PLCB4: variants seen among roughly 807,000 people sequenced by gnomAD.
PLCB4 encodes phospholipase C beta 4.
Under a neutral mutation model 178.8 loss-of-function variants are expected in PLCB4, and 77 were observed. That is an observed-to-expected ratio of 0.43 (90% CI 0.36 to 0.52). The LOEUF is 0.52. Among genes scored for constraint, PLCB4 ranks in the 20% least tolerant of loss-of-function variants. The pLI is 0.00. For synonymous variants in PLCB4, 496 were observed against 490.8 expected (o/e 1.01, Z -0.14); for missense variants, 1,024 against 1,453.4 (o/e 0.70, Z 4.80).
At chr20:9,222,091 A>G (rs1253148893) in intron 3 of PLCB4, among the ~76,000 whole-genome samples, 1 of 102,268 alleles carries the variant, frequency 9.8e-6, no homozygotes, top group African/African-American at 6.1e-5. Context: ...ATTTTATTTT[A>G]TTTTATTTTA....
At chr20:9,411,200 G>T in intron 25 of PLCB4, 112 bp downstream of exon 25, 1 of 715,364 alleles carries the variant, frequency 1.4e-6, no homozygotes, top group East Asian at 2.6e-5. Flanking sequence ...CTGGGTTTGA[G>T]GGATGGAATA....
chr20:9,405,289 A>C lies in PLCB4; in HGVS notation c.1612-24A>C, dbSNP rs971063272. On this transcript the variant is annotated intron_variant, in intron 20 of 39. Coordinates refer to ENST00000378473, the MANE Select transcript of PLCB4 (RefSeq NM_001377142.1). ...AATTTTGCCCTTTAGAGAAGTAAACAAATTATTTCCTTTCTCTAATTAGGC... is the reference window on the plus strand; with the variant it reads ...AATTTTGCCCTTTAGAGAAGTAAACCAATTATTTCCTTTCTCTAATTAGGC... 3 of 1,454,404 alleles carry C rather than the reference A, an allele frequency of 2.1e-6. No homozygotes were observed. The African/African-American group carries it at 4.2e-5, about 20-fold the overall frequency. 90.1% of individuals were successfully genotyped at this position (1,454,404 alleles called of 1,614,324 possible). A position where few individuals can be genotyped will look rare whatever the true frequency, so the allele number is the denominator to read the frequency against.
At chr20:9,467,535 T>A (rs1445248223) in intron 35 of PLCB4, among the ~76,000 whole-genome samples, 1 of 152,268 alleles carries the variant, frequency 6.6e-6, no homozygotes, top group East Asian at 1.9e-4. Flanking sequence ...TTCTTCCTCA[T>A]GATCACAACT....
At chr20:9,104,339 A>G (rs1416745786) in intron 2 of PLCB4, among the ~76,000 whole-genome samples, 1 of 152,198 alleles carries the variant, frequency 6.6e-6, no homozygotes, top group Non-Finnish European at 1.5e-5. Context: ...AGGTCTGGAC[A>G]TGGGAACTGG....
At chr20:9,405,420 C>A in intron 21 of PLCB4, 72 bp downstream of exon 21, 3 of 874,398 alleles carry the variant, frequency 3.4e-6, no homozygotes, top group Admixed American at 2.7e-5. Flanking sequence ...AGGAAGGAAT[C>A]AGTTGTGGTG....
chr20:9,164,372 G>C (rs1198314515), intron 2 of PLCB4, among the ~76,000 whole-genome samples: 1 of 151,820 alleles, frequency 6.6e-6, no homozygotes, highest in Non-Finnish European at 1.5e-5. Flanking sequence ...TTTTATTGCT[G>C]TTTTACAGAT....
rs550713890 is a variant in PLCB4, at chr20:9,394,940, C to A, written c.1415-583C>A. Among the ~76,000 whole-genome samples the A allele has an allele frequency of 3.2e-4, 48 of 152,100 alleles. 1 individual carries two copies. In the South Asian group the frequency reaches 9.8e-3, roughly 31 times the overall value. The stretch of plus-strand genomic sequence containing the variant: ...CTTAGGGGTTTTTTTATTTGTGTGT[C>A]TTCAATAACTCCTTTTTTGCATATT... On this transcript the variant is annotated intron_variant, in intron 18 of 39. Transcript: ENST00000378473.
intron 7 of PLCB4, among the ~76,000 whole-genome samples, chr20:9,355,848 T>C (rs1281900611): frequency 6.6e-6 from 1 of 152,138 alleles, no homozygotes; most frequent in Admixed American, 6.5e-5. Context: ...TATTTCTAGT[T>C]CTAGATCCCT....
intron 1 of PLCB4, among the ~76,000 whole-genome samples, chr20:9,091,537 G>A (rs1279372177): frequency 6.6e-6 from 1 of 151,724 alleles, no homozygotes; most frequent in African/African-American, 2.4e-5. Context: ...GACCTTCCTA[G>A]GTTTGAGTAT....
At chr20:9,298,387 A>G (rs2094664193) in intron 3 of PLCB4, among the ~76,000 whole-genome samples, 1 of 152,132 alleles carries the variant, frequency 6.6e-6, no homozygotes, top group African/African-American at 2.4e-5. Flanking sequence ...CTTTTGTTAT[A>G]GAGGGTCTCA....
chr20:9,261,980 T>C (rs1245049989), intron 3 of PLCB4, among the ~76,000 whole-genome samples: 1 of 152,232 alleles, frequency 6.6e-6, no homozygotes, highest in African/African-American at 2.4e-5. Flanking sequence ...TACCTTTAAC[T>C]AATGACTCAT....
intron 8 of PLCB4, 65 bp downstream of exon 8, chr20:9,363,040 T>G (rs1387613489): frequency 7.7e-6 from 9 of 1,171,226 alleles, no homozygotes; most frequent in African/African-American, 3.0e-5. Context: ...GATGAAGAGA[T>G]GAAGGCTAGG....
At chr20:9,343,296 T>A (rs1568620244) in intron 7 of PLCB4, among the ~76,000 whole-genome samples, 3 of 152,198 alleles carry the variant, frequency 2.0e-5, no homozygotes, top group Non-Finnish European at 1.5e-5. Flanking sequence ...AGGGTAAACT[T>A]TGAACTTAGT....
At chr20:9,248,095 C>T (rs904966831) in intron 3 of PLCB4, among the ~76,000 whole-genome samples, 2 of 151,904 alleles carry the variant, frequency 1.3e-5, no homozygotes, top group African/African-American at 4.8e-5. Flanking sequence ...GATCGGTTAG[C>T]TCTCATGAGA....
chr20:9,470,823 C>T (rs1030114362), intron 36 of PLCB4, among the ~76,000 whole-genome samples: 1 of 152,176 alleles, frequency 6.6e-6, no homozygotes, highest in Non-Finnish European at 1.5e-5. Context: ...TAAGTATAGT[C>T]ACCCTACTCT....
intron 2 of PLCB4, among the ~76,000 whole-genome samples, chr20:9,108,157 A>C (rs912450750): frequency 6.6e-6 from 1 of 152,272 alleles, no homozygotes; most frequent in African/African-American, 2.4e-5. Context: ...AGGTGTCCAA[A>C]ATGAAGACAG....
intron 2 of PLCB4, among the ~76,000 whole-genome samples, chr20:9,103,350 C>T (rs944482431): frequency 6.6e-6 from 1 of 151,854 alleles, no homozygotes; most frequent in Admixed American, 6.6e-5. Context: ...AGTGATAAAC[C>T]CATTACATGT....
chr20:9,291,473 A>G (rs1287738726), intron 3 of PLCB4, among the ~76,000 whole-genome samples: 1 of 152,150 alleles, frequency 6.6e-6, no homozygotes, highest in Admixed American at 6.6e-5. Context: ...GAGATTAAGG[A>G]TTTTATTTCC....
intron 1 of PLCB4, among the ~76,000 whole-genome samples, chr20:9,072,226 G>T (rs989647202): frequency 6.6e-6 from 1 of 152,126 alleles, no homozygotes; most frequent in Non-Finnish European, 1.5e-5. Flanking sequence ...CAAGGACACT[G>T]CTTAATTCTC....
Sources: allele counts gnomAD v4.1 joint callset (sites outside exome capture counted in the v4.1 genomes callset), GRCh38; gene constraint gnomAD v4.1.1; transcripts MANE v1.5; gene names NCBI Gene and HGNC (gene_info 2026-07-23, HGNC 2026-07-21).